TUBGCP4: variants seen among roughly 807,000 people sequenced by gnomAD.
The protein encoded by TUBGCP4 is gamma-tubulin complex component 4.
A neutral mutation model predicts 91.6 loss-of-function variants in TUBGCP4; 54 were observed. The ratio of observed to expected loss-of-function variants is 0.59; its 90% CI spans 0.47 to 0.74. TUBGCP4 has a LOEUF of 0.74. TUBGCP4 is among the 30% of genes least tolerant of loss of function. The pLI is 0.00. For synonymous variants in TUBGCP4, 297 were observed against 302.8 expected (o/e 0.98, Z 0.20); for missense variants, 593 against 800.9 (o/e 0.74, Z 3.13).
chr15:43,397,350 G>A (rs759266451), intron 12 of TUBGCP4, 29 bp downstream of exon 12: 1 of 1,491,616 alleles, frequency 6.7e-7, no homozygotes, highest in South Asian at 1.1e-5. Flanking sequence ...CCACCTTAGA[G>A]TTCCTGCTGG....
Position 43,406,697 on chromosome 15 carries a change from CA to C in TUBGCP4, c.*1485del. On this transcript the variant is annotated 3_prime_UTR_variant, in exon 18 of 18. Transcript: ENST00000564079. The stretch of plus-strand genomic sequence containing the variant: ...AAGGAACTGCTTCCAGCTATTGTGA[CA>C]ATAATAATAATAATAATATTGGGTC... The C allele has an allele frequency of 2.3e-6, 1 of 433,190 alleles. No individual in the cohort carries two copies. Among genetic ancestry groups the C allele is most frequent in the Non-Finnish European group, 4.6e-6 (1 of 219,110 alleles). The allele number at this position is 433,190 out of a possible 1,614,324, so 26.8% of individuals were successfully genotyped here. A position where few individuals can be genotyped will look rare whatever the true frequency, so the allele number is the denominator to read the frequency against.
intron 1 of TUBGCP4, among the ~76,000 whole-genome samples, chr15:43,374,896 G>A (rs2044181657): frequency 6.6e-6 from 1 of 152,148 alleles, no homozygotes. Context: ...GTCACAAAAG[G>A]ACAAATAATG....
chr15:43,398,013 CTTTT>C (rs2044610128), intron 12 of TUBGCP4, 24 bp from the exon 13 acceptor site: 6 of 1,589,174 alleles, frequency 3.8e-6, no homozygotes, highest in Non-Finnish European at 2.6e-6. Flanking sequence ...GTTATCTTTT[CTTTT>C]TTTCTTTTCT....
In TUBGCP4 at chr15:43,407,349, T is replaced by C. The variant is rs771674565; in HGVS notation, c.*2135T>C. The C allele has an allele frequency of 6.3e-6, 10 of 1,596,910 alleles. No homozygotes were observed. Among genetic ancestry groups the C allele is most frequent in the East Asian group, 2.2e-5 (1 of 44,718 alleles). On this transcript the variant is annotated 3_prime_UTR_variant, in exon 18 of 18. Coordinates refer to ENST00000564079, the MANE Select transcript of TUBGCP4 (RefSeq NM_014444.5). ...CCTGGTTAAAACACAATCTCCACGA[T>C]AGCAGGGAATAAAACCAGTAAGACC...
chr15:43,375,706 G>GTT (rs2044195014), intron 1 of TUBGCP4, among the ~76,000 whole-genome samples: 1 of 152,176 alleles, frequency 6.6e-6, no homozygotes, highest in Admixed American at 6.5e-5. Flanking sequence ...AACCCATGGA[G>GTT]TCTGCAGACC....
intron 7 of TUBGCP4, 49 bp from the exon 8 acceptor site, chr15:43,385,742 C>T (rs373149682): frequency 2.5e-6 from 4 of 1,597,460 alleles, no homozygotes; most frequent in Non-Finnish European, 3.4e-6. Context: ...TCTTGTTTTC[C>T]TTTTCTTGCT....
intron 11 of TUBGCP4, 120 bp from the exon 12 acceptor site, chr15:43,397,094 G>C: frequency 1.4e-6 from 1 of 734,186 alleles, no homozygotes; most frequent in Non-Finnish European, 2.5e-6. Flanking sequence ...AAATGAAACA[G>C]ATGTCCACTG....
intron 9 of TUBGCP4, among the ~76,000 whole-genome samples, chr15:43,387,477 C>T (rs959961036): frequency 2.6e-5 from 4 of 151,970 alleles, no homozygotes; most frequent in Non-Finnish European, 4.4e-5. Flanking sequence ...TATTTTTTAT[C>T]TTTTTATGGA....
chr15:43,401,675 A>G, intron 14 of TUBGCP4, 41 bp from the exon 15 acceptor site: 1 of 1,608,060 alleles, frequency 6.2e-7, no homozygotes. Context: ...TCGAGTGCTT[A>G]GAATATGCAA....
chr15:43,372,407 T>C (rs1039362862), intron 1 of TUBGCP4, among the ~76,000 whole-genome samples: 2 of 152,202 alleles, frequency 1.3e-5, no homozygotes, highest in East Asian at 1.9e-4. Context: ...TTTGGGAGTT[T>C]AGGTGAATTT....
chr15:43,407,951 T>A lies in TUBGCP4; in HGVS notation c.*2737T>A. ...CACACTCTTTCAGGTACCTTTGTTA[T>A]GGGCACTTGAATGGTGCTGCTTCAC... On this transcript the variant is annotated 3_prime_UTR_variant, in exon 18 of 18. Transcript: ENST00000564079. The A allele has an allele frequency of 6.2e-7, 1 of 1,612,628 alleles. No homozygotes were observed. Among genetic ancestry groups the A allele is most frequent in the Non-Finnish European group, 8.5e-7 (1 of 1,179,860 alleles).
chr15:43,401,232 C>A (rs1278236889), intron 14 of TUBGCP4, among the ~76,000 whole-genome samples: 1 of 151,760 alleles, frequency 6.6e-6, no homozygotes, highest in Non-Finnish European at 1.5e-5. Context: ...AAACAGATCA[C>A]CTGAGGTCAG....
At chr15:43,376,291 T>C (rs2044204127) in intron 2 of TUBGCP4, 65 bp downstream of exon 2, 28 of 1,608,902 alleles carry the variant, frequency 1.7e-5, no homozygotes, top group Non-Finnish European at 2.3e-5. Flanking sequence ...CTTTCACCTC[T>C]AGAGGGCAGG....
In TUBGCP4 at chr15:43,398,227, G is replaced by T. The variant is rs935402076; in HGVS notation, c.1418+48G>T. 2.5e-6 allele frequency: 4 copies of T among 1,583,954 alleles called. No individual in the cohort carries two copies. In the East Asian group the frequency reaches 9.0e-5, roughly 36 times the overall value. ...CAGGTAAATATGACCCACCTTACTTGTAAGGGAAGAAACTAGCAGGAACAG... is the reference window on the plus strand; with the variant it reads ...CAGGTAAATATGACCCACCTTACTTTTAAGGGAAGAAACTAGCAGGAACAG... On this transcript the variant is annotated intron_variant, in intron 13 of 17. Coordinates refer to ENST00000564079, the MANE Select transcript of TUBGCP4 (RefSeq NM_014444.5).
At chr15:43,377,123 C>A (rs1035882012) in intron 4 of TUBGCP4, 56 bp downstream of exon 4, 6 of 1,424,158 alleles carry the variant, frequency 4.2e-6, no homozygotes, top group African/African-American at 1.4e-5. Flanking sequence ...TTAGAATAAT[C>A]TAATTTATGG....
At chr15:43,401,279 C>A (rs1476890415) in intron 14 of TUBGCP4, among the ~76,000 whole-genome samples, 1 of 151,790 alleles carries the variant, frequency 6.6e-6, no homozygotes, top group Admixed American at 6.6e-5. Flanking sequence ...AGTGAAACCC[C>A]TTCTCTACTA....
chr15:43,372,568 G>A (rs1026211830), intron 1 of TUBGCP4, among the ~76,000 whole-genome samples: 5 of 151,480 alleles, frequency 3.3e-5, no homozygotes, highest in Non-Finnish European at 7.4e-5. Context: ...GGAAGTATGT[G>A]GGTGCCTGAT....
chr15:43,387,843 G>A (rs2142825883), intron 9 of TUBGCP4, among the ~76,000 whole-genome samples: 1 of 151,910 alleles, frequency 6.6e-6, no homozygotes, highest in East Asian at 1.9e-4. Context: ...GAGAGGGTAG[G>A]TACCTTTATT....
At chr15:43,373,272 CTG>C (rs2044151958) in intron 1 of TUBGCP4, among the ~76,000 whole-genome samples, 2 of 152,278 alleles carry the variant, frequency 1.3e-5, no homozygotes, top group South Asian at 2.1e-4. Flanking sequence ...GTTCCTATAA[CTG>C]TGTTATATAG....
Sources: gnomAD v4.1 joint callset for allele counts (sites outside exome capture counted in the v4.1 genomes callset) on GRCh38, gnomAD v4.1.1 for gene constraint, MANE v1.5 for transcripts, NCBI Gene and HGNC (gene_info 2026-07-23, HGNC 2026-07-21) for gene names.